Variants in CSMD1 observed in about 807,000 individuals in gnomAD.
CSMD1 encodes CUB and sushi domain-containing protein 1.
Under a neutral mutation model 417.5 loss-of-function variants are expected in CSMD1, and 213 were observed. The observed-to-expected ratio is 0.51, with a 90% CI of 0.46 to 0.57. The LOEUF is 0.57. CSMD1 is among the 20% of genes least tolerant of loss of function. The probability of loss-of-function intolerance (pLI) is 0.00; values close to 1 mark genes in which losing one functional copy is unlikely to be tolerated. For missense variants in CSMD1, 6,923 were observed against 4,529.7 expected, an observed-to-expected ratio of 1.53 and a Z score of -15.17; for synonymous variants, 2,862 against 1,736.8, an observed-to-expected ratio of 1.65 and a Z score of -16.11.
intron 3 of CSMD1, among the ~76,000 whole-genome samples, chr8:4,063,285 CAA>C (rs1799076158): frequency 6.8e-6 from 1 of 146,038 alleles, no homozygotes; most frequent in South Asian, 2.2e-4. Context: ...ACAAAAAAAC[CAA>C]AAAAGAAAAA....
intron 6 of CSMD1, among the ~76,000 whole-genome samples, chr8:3,709,709 T>TTTTTTTTTTTTA (rs1554518391): frequency 1.5e-5 from 2 of 129,586 alleles, no homozygotes; most frequent in Non-Finnish European, 1.6e-5. Context: ...TTTTTTTTTT[T>TTTTTTTTTTTTA]CCCTGCTTTC....
chr8:3,888,751 A>G (rs1806738863), intron 5 of CSMD1, among the ~76,000 whole-genome samples: 1 of 152,154 alleles, frequency 6.6e-6, no homozygotes, highest in African/African-American at 2.4e-5. Context: ...GGGACAACAA[A>G]CCGACCTTCC....
chr8:3,175,752 G>C (rs1355520525), intron 37 of CSMD1, among the ~76,000 whole-genome samples: 5 of 152,126 alleles, frequency 3.3e-5, no homozygotes, highest in Non-Finnish European at 5.9e-5. Flanking sequence ...ATGTAAGAAA[G>C]AGTAACTTAA....
At chr8:3,248,107 G>C (rs1437710742) in intron 26 of CSMD1, among the ~76,000 whole-genome samples, 8 of 152,170 alleles carry the variant, frequency 5.3e-5, no homozygotes, top group Non-Finnish European at 1.2e-4. Flanking sequence ...GCAGGAGGAT[G>C]ACTTGAGGCC....
At chr8:2,953,397 G>A (rs1279606303) in intron 65 of CSMD1, among the ~76,000 whole-genome samples, 1 of 144,994 alleles carries the variant, frequency 6.9e-6, no homozygotes, top group Non-Finnish European at 1.5e-5. Context: ...ACAGTATCCT[G>A]ACAATAGCAA....
intron 1 of CSMD1, among the ~76,000 whole-genome samples, chr8:4,927,980 G>A (rs917673861): frequency 6.6e-6 from 1 of 152,152 alleles, no homozygotes; most frequent in Admixed American, 6.5e-5. Context: ...ACCCAAGTCT[G>A]TGTAAAGCTC....
rs141702961 is a variant in CSMD1, at chr8:3,399,375, C to T, written c.2405+16G>A. On this transcript the variant is annotated intron_variant, in intron 16 of 69. Transcript: ENST00000635120. ...ACACACCATTGGGTCCAAATGAAGA[C>T]TAATTTTTTTCTTACCTGTCAAAAG... The T allele has an allele frequency of 2.2e-4, 354 of 1,588,674 alleles. No homozygotes were observed. The highest frequency in any genetic ancestry group is 1.7e-3 in the African/African-American group (126 of 74,106).
intron 3 of CSMD1, among the ~76,000 whole-genome samples, chr8:4,220,075 G>C (rs1048378614): frequency 5.3e-5 from 8 of 152,078 alleles, no homozygotes; most frequent in East Asian, 3.9e-4. Flanking sequence ...TCAGCCTCCC[G>C]AGTACCTGTG....
At chr8:3,658,206 A>G (rs929368866) in intron 7 of CSMD1, among the ~76,000 whole-genome samples, 11 of 152,130 alleles carry the variant, frequency 7.2e-5, no homozygotes, top group Non-Finnish European at 2.9e-5. Flanking sequence ...GTATTCAAAT[A>G]TGACTCTCAA....
intron 1 of CSMD1, among the ~76,000 whole-genome samples, chr8:4,779,332 A>T (rs148996562): frequency 1.3e-5 from 2 of 152,172 alleles, no homozygotes; most frequent in Non-Finnish European, 2.9e-5. Context: ...AATCAAGGGA[A>T]ACTAACTCGA....
intron 12 of CSMD1, among the ~76,000 whole-genome samples, chr8:3,458,443 G>C (rs1013774684): frequency 1.3e-5 from 2 of 152,084 alleles, no homozygotes; most frequent in Admixed American, 6.5e-5. Context: ...TTAAAGTTAA[G>C]ACTGTCCTGA....
intron 1 of CSMD1, among the ~76,000 whole-genome samples, chr8:4,870,996 TC>T (rs976172643): frequency 8.5e-5 from 13 of 152,156 alleles, no homozygotes; most frequent in African/African-American, 2.9e-4. Flanking sequence ...TGCCACAGGG[TC>T]TGGTCTGGGT....
intron 12 of CSMD1, among the ~76,000 whole-genome samples, chr8:3,440,588 G>A (rs1168042743): frequency 6.6e-6 from 1 of 152,092 alleles, no homozygotes; most frequent in Non-Finnish European, 1.5e-5. Context: ...CACGTTACTT[G>A]CAAGTAGAGT....
chr8:3,411,380 G>C (rs532318905), intron 12 of CSMD1, among the ~76,000 whole-genome samples: 2 of 151,846 alleles, frequency 1.3e-5, no homozygotes, highest in East Asian at 2.0e-4. Context: ...TATTTCCATA[G>C]GTTTTGGGGG....
intron 6 of CSMD1, among the ~76,000 whole-genome samples, chr8:3,734,804 G>A (rs1796444290): frequency 6.6e-6 from 1 of 152,204 alleles, no homozygotes; most frequent in Admixed American, 6.5e-5. Flanking sequence ...GGGTGCTGAG[G>A]CCCCGTGACG....
chr8:3,509,767 T>C (rs968746997), intron 10 of CSMD1, among the ~76,000 whole-genome samples: 2 of 152,096 alleles, frequency 1.3e-5, no homozygotes, highest in African/African-American at 2.4e-5. Context: ...ATCCAAGGGG[T>C]CTGCTTGATG....
intron 3 of CSMD1, among the ~76,000 whole-genome samples, chr8:4,186,070 G>A (rs894757065): frequency 2.0e-5 from 3 of 152,134 alleles, no homozygotes; most frequent in Non-Finnish European, 4.4e-5. Flanking sequence ...ACGTGTGGAA[G>A]ACGCAGCTGT....
chr8:4,356,804 T>C (rs1584950166), intron 3 of CSMD1, among the ~76,000 whole-genome samples: 2 of 152,184 alleles, frequency 1.3e-5, no homozygotes, highest in South Asian at 4.1e-4. Context: ...GCCCAGCCCC[T>C]GACCGACTTG....
intron 3 of CSMD1, among the ~76,000 whole-genome samples, chr8:4,362,267 G>C (rs974608054): frequency 2.8e-4 from 43 of 152,064 alleles, no homozygotes; most frequent in African/African-American, 9.4e-4. Flanking sequence ...ATTTCAACCA[G>C]AACACAAGCA....
Sources: allele counts gnomAD v4.1 joint callset (sites outside exome capture counted in the v4.1 genomes callset), GRCh38; gene constraint gnomAD v4.1.1; transcripts MANE v1.5; gene names NCBI Gene and HGNC (gene_info 2026-07-23, HGNC 2026-07-21).